The following DNAH17 variants were observed in gnomAD, a reference collection of about 807,000 sequenced individuals.
DNAH17 encodes the protein dynein axonemal heavy chain 17.
Under a neutral mutation model 485.6 loss-of-function variants are expected in DNAH17, and 376 were observed. The ratio of observed to expected loss-of-function variants is 0.77; its 90% CI spans 0.71 to 0.84. The LOEUF is 0.84. Ranked by LOEUF, DNAH17 falls within the 40% of genes least tolerant of loss-of-function variation. DNAH17 has a pLI of 0.00. For missense variants in DNAH17, 6,370 were observed against 5,839.3 expected (o/e 1.09, Z -2.96); for synonymous variants, 3,031 against 2,405.9 (o/e 1.26, Z -7.60).
chr17:78,452,319 C>T (rs2087589855), intron 65 of DNAH17, among the ~76,000 whole-genome samples: 1 of 152,178 alleles, frequency 6.6e-6, no homozygotes. Flanking sequence ...ATGAATAATG[C>T]AAGCTCCACG....
At position 78,552,569 on chromosome 17, in the gene DNAH17, C is replaced by T. The variant is rs1256785488; in HGVS notation, c.2287+128G>A. 89 of 562,276 alleles carry T rather than the reference C, an allele frequency of 1.6e-4. No individual in the cohort carries two copies. In the East Asian group the frequency reaches 2.4e-3, roughly 15 times the overall value. 34.8% of individuals were successfully genotyped at this position (562,276 alleles called of 1,614,324 possible). ...GTGGAAGTAACTATCCTTTAGCCCC[C>T]TTGAAGTTAAAGCAGATCCACACAG... On this transcript the variant is annotated intron_variant, in intron 15 of 80. Transcript: ENST00000389840.
At chr17:78,547,618 T>A (rs1256113389) in intron 16 of DNAH17, among the ~76,000 whole-genome samples, 1 of 6,566 alleles carries the variant, frequency 1.5e-4, no homozygotes, top group Non-Finnish European at 3.1e-4. Flanking sequence ...TTCATTACTA[T>A]TTTTTTTTTT....
chr17:78,464,246 G>A (rs919216296), intron 56 of DNAH17, among the ~76,000 whole-genome samples: 1 of 152,124 alleles, frequency 6.6e-6, no homozygotes, highest in Non-Finnish European at 1.5e-5. Context: ...CAGTGAACAT[G>A]GGCGCCATCT....
chr17:78,554,159 TA>T (rs1397606118), intron 14 of DNAH17, among the ~76,000 whole-genome samples: 1 of 152,078 alleles, frequency 6.6e-6, no homozygotes, highest in Non-Finnish European at 1.5e-5. Flanking sequence ...TTCAAGTTGT[TA>T]ATGGATCAGT....
chr17:78,434,121 C>T lies in DNAH17; in HGVS notation c.12133G>A (p.Ala4045Thr), dbSNP rs372342689. ...AVVAERRKFG[A>T]QGWNRSYPFN... is the part of the protein sequence containing the mutation. Reference sequence around the variant, plus strand: ...GGGTACGACCGGTTCCAGCCCTGGGCGCCGAACTTGCGCCTCTCTGCCACC... The same window carrying T: ...GGGTACGACCGGTTCCAGCCCTGGGTGCCGAACTTGCGCCTCTCTGCCACC... The change falls in exon 75 of 81, where the codon GCC (alanine) becomes ACC (threonine). Residue 4045 changes from alanine (A) to threonine (T), a missense_variant. Ala to Thr is a moderately conservative substitution (Grantham distance 58). Transcript: ENST00000389840. 46 of 1,613,526 alleles carry T rather than the reference C, an allele frequency of 2.9e-5. No homozygotes were observed. Among genetic ancestry groups the T allele is most frequent in the Non-Finnish European group, 3.4e-5 (40 of 1,179,846 alleles).
Position 78,426,560 on chromosome 17 carries a change from G to A in DNAH17, c.12812C>T (p.Thr4271Met), listed in dbSNP as rs754809926. 44 of 1,613,160 alleles carry A rather than the reference G, an allele frequency of 2.7e-5. No individual in the cohort carries two copies. Among genetic ancestry groups the A allele is most frequent in the African/African-American group, 2.0e-4 (15 of 74,916 alleles). ...TITTDVEDLS[T>M]ALFYDTVPDT... is the part of the protein sequence containing the mutation. Reference sequence around the variant, plus strand: ...AGGCACGGTGTCATAGAAGAGAGCCGTGGACAGATCTTCCACGTCGGTCGT... The same window carrying A: ...AGGCACGGTGTCATAGAAGAGAGCCATGGACAGATCTTCCACGTCGGTCGT... The change falls in exon 79 of 81, where the codon ACG becomes ATG. Residue 4271 changes from threonine (T) to methionine (M), a missense_variant. Transcript: ENST00000389840.
chr17:78,488,502 C>A (rs973284549), intron 44 of DNAH17, among the ~76,000 whole-genome samples: 4 of 152,194 alleles, frequency 2.6e-5, no homozygotes, highest in African/African-American at 9.7e-5. Flanking sequence ...CATAGGGTGT[C>A]CCCCTGAGGA....
rs182549942 is a variant in DNAH17, at chr17:78,501,595, C to A, written c.5322+147G>T. ...GTTGCTCACCAGGGGTGAGTCCGGGCAAGGAGGTTAGGAGGCAGCTGCAGC... is the reference window on the plus strand; with the variant it reads ...GTTGCTCACCAGGGGTGAGTCCGGGAAAGGAGGTTAGGAGGCAGCTGCAGC... On this transcript the variant is annotated intron_variant, in intron 34 of 80. Transcript: ENST00000389840. 365 of 1,234,398 alleles carry A rather than the reference C, an allele frequency of 3.0e-4. 1 individual carries two copies. The African/African-American group carries it at 3.7e-3, about 13-fold the overall frequency. 76.5% of individuals were successfully genotyped at this position (1,234,398 alleles called of 1,614,324 possible).
At position 78,450,859 on chromosome 17, in the gene DNAH17, G is replaced by A; in HGVS notation, c.10735-13C>T. The A allele has an allele frequency of 1.2e-6, 2 of 1,613,266 alleles. No individual in the cohort carries two copies. The highest frequency in any genetic ancestry group is 8.5e-7 in the Non-Finnish European group (1 of 1,179,400). On this transcript the variant is annotated splice_polypyrimidine_tract_variant and intron_variant, in intron 66 of 80. Transcript: ENST00000389840. The stretch of plus-strand genomic sequence containing the variant: ...TGGTGAGGTTTGCCTGCAAGGGGAG[G>A]TGCAGGAGTCACTGCATTGCCTGGC...
rs1401598316 is a variant in DNAH17 at position 78,458,323 on chromosome 17, G to T, written c.9977+242C>A. The T allele has an allele frequency of 5.5e-6, 3 of 545,240 alleles. No homozygotes were observed. The Admixed American group carries it at 1.0e-4, about 19-fold the overall frequency. The allele number at this position is 545,240 out of a possible 1,614,324, so 33.8% of individuals were successfully genotyped here. On this transcript the variant is annotated intron_variant, in intron 62 of 80. Transcript: ENST00000389840. ...GTAATGCCCCGGATCAAGCCCCGTGGGACCCAGTGTCCCAGGCCAGTGTGG... is the reference window on the plus strand; with the variant it reads ...GTAATGCCCCGGATCAAGCCCCGTGTGACCCAGTGTCCCAGGCCAGTGTGG...
chr17:78,472,609 G>T, intron 54 of DNAH17: 1 of 387,126 alleles, frequency 2.6e-6, no homozygotes, highest in Non-Finnish European at 5.4e-6. Context: ...ACTCCCCACC[G>T]CCTGGCCCCG....
At chr17:78,481,569 T>C (rs73379430) in intron 48 of DNAH17, among the ~76,000 whole-genome samples, 5,855 of 152,222 alleles carry the variant, frequency 0.038, 350 homozygotes, top group African/African-American at 0.13. Context: ...CTCTGTGCCT[T>C]AATATTCTCA....
chr17:78,498,046 G>A (rs1259408363), intron 37 of DNAH17, among the ~76,000 whole-genome samples: 1 of 152,086 alleles, frequency 6.6e-6, no homozygotes, highest in Non-Finnish European at 1.5e-5. Flanking sequence ...GGAGGCTGAG[G>A]CAGGAGAATT....
chr17:78,565,901 G>A (rs1030785023), intron 11 of DNAH17, among the ~76,000 whole-genome samples: 1 of 152,122 alleles, frequency 6.6e-6, no homozygotes, highest in Admixed American at 6.5e-5. Flanking sequence ...AGTGTGCTGG[G>A]ATTGTGCCAC....
At chr17:78,447,138 C>T (rs146178616) in intron 69 of DNAH17, among the ~76,000 whole-genome samples, 35 of 152,188 alleles carry the variant, frequency 2.3e-4, no homozygotes, top group Non-Finnish European at 4.1e-4. Flanking sequence ...GCTATATTGA[C>T]TGGGCTAGTC....
rs1415046879 is a variant in DNAH17, at chr17:78,545,971, GA to G, written c.2392-1975del. On this transcript the variant is annotated intron_variant, in intron 16 of 80. Coordinates refer to ENST00000389840, the MANE Select transcript of DNAH17 (RefSeq NM_173628.4). ...ATGTCTGTGAATAAGACTACCATTT[GA>G]AATTTTTTTTTTTTTCCTTTGAAAC... Among the ~76,000 whole-genome samples the G allele has an allele frequency of 6.1e-5, 6 of 98,048 alleles. No individual in the cohort carries two copies. In the East Asian group the frequency reaches 2.0e-3, roughly 32 times the overall value. The allele number at this position is 98,048 out of a possible 152,430, so 64.3% of individuals were successfully genotyped here.
At chr17:78,450,979 GGGGCTGCAGAAGCAGAGCCCCTGGAAC>G in intron 66 of DNAH17, 133 bp from the exon 67 acceptor site, 1 of 1,168,306 alleles carries the variant, frequency 8.6e-7, no homozygotes, top group Admixed American at 2.2e-5. Flanking sequence ...GGTCCTGGAA[GGGGCTGCAGAAGCAGAGCCCCTGGAAC>G]CTCAGAGAGG....
chr17:78,453,333 A>T lies in DNAH17; in HGVS notation c.10529+10T>A. The T allele has an allele frequency of 6.2e-7, 1 of 1,600,842 alleles. No individual in the cohort carries two copies. Among genetic ancestry groups the T allele is most frequent in the Non-Finnish European group, 8.5e-7 (1 of 1,170,290 alleles). ...ACCTGGCTCAAGCCACGGAGGCGGA[A>T]ACAACTCACTTTCCCTTTTTAATCG... is the stretch of plus-strand genomic sequence containing the variant. On this transcript the variant is annotated intron_variant, in intron 65 of 80. Transcript: ENST00000389840.
Position 78,423,826 on chromosome 17 carries a change from A to G in DNAH17, c.*80T>C. On this transcript the variant is annotated 3_prime_UTR_variant, in exon 81 of 81. Coordinates refer to ENST00000389840, the MANE Select transcript of DNAH17 (RefSeq NM_173628.4). Reference sequence around the variant, plus strand: ...GAAAAACCACCACCAGTTCCTGTAAAGAATAAGTCACAGGTGCACAGGTGA... The same window carrying G: ...GAAAAACCACCACCAGTTCCTGTAAGGAATAAGTCACAGGTGCACAGGTGA... 6.6e-7 allele frequency: 1 copy of G among 1,526,484 alleles called. No individual in the cohort carries two copies. The highest frequency in any genetic ancestry group is 8.9e-7 in the Non-Finnish European group (1 of 1,120,640). The allele number at this position is 1,526,484 out of a possible 1,614,324, so 94.6% of individuals were successfully genotyped here.
Sources: gnomAD v4.1 joint callset for allele counts (sites outside exome capture counted in the v4.1 genomes callset) on GRCh38, gnomAD v4.1.1 for gene constraint, MANE v1.5 for transcripts, NCBI Gene and HGNC (gene_info 2026-07-23, HGNC 2026-07-21) for gene names.